PRDM15: variants seen among roughly 807,000 people sequenced by gnomAD.
PRDM15 encodes the protein PR/SET domain 15, also known as PR domain zinc finger protein 15.
A neutral mutation model predicts 128.6 loss-of-function variants in PRDM15; 64 were observed. That is an observed-to-expected ratio of 0.50 (90% CI 0.41 to 0.61). The LOEUF is 0.61. Ranked by LOEUF, PRDM15 falls within the 20% of genes least tolerant of loss-of-function variation. The pLI, the probability that PRDM15 is intolerant of heterozygous loss-of-function variation, is 0.00. For synonymous variants in PRDM15, 615 were observed against 621.8 expected (o/e 0.99, Z 0.16); for missense variants, 1,242 against 1,569.1 (o/e 0.79, Z 3.52).
At chr21:41,842,496 TG>T (rs1364183946) in intron 6 of PRDM15, among the ~76,000 whole-genome samples, 4 of 152,366 alleles carry the variant, frequency 2.6e-5, no homozygotes, top group African/African-American at 9.6e-5. Context: ...ATTCTTTTTT[TG>T]TTTGTTTGTT....
intron 23 of PRDM15, 45 bp from the exon 24 acceptor site, chr21:41,801,767 T>C (rs771105898): frequency 1.9e-6 from 3 of 1,578,922 alleles, no homozygotes; most frequent in Middle Eastern, 1.7e-4. Context: ...TTTTGCAAAA[T>C]GGGGAACGCA....
chr21:41,820,037 C>T (rs1481277744), intron 17 of PRDM15, 58 bp downstream of exon 17: 15 of 1,438,032 alleles, frequency 1.0e-5, no homozygotes, highest in Middle Eastern at 1.8e-4. Flanking sequence ...CCCCAGCATC[C>T]CTCCCTGCCA....
Position 41,838,008 on chromosome 21 carries a change from C to G in PRDM15, c.927G>C (p.Thr309=). Residue 309 remains threonine, a synonymous_variant, in exon 8 of 24, where the codon ACG becomes ACC. Transcript: ENST00000398548. ...EVPPDEPVSA[T]PDERIMELVL... is the part of the protein sequence containing the mutation. ...CCAGCTCCATGATCCGCTCATCTGG[C>G]GTTGCACTCACAGGCTCATCCGGAG... 6.2e-7 allele frequency: 1 copy of G among 1,614,150 alleles called. No homozygotes were observed. The highest frequency in any genetic ancestry group is 8.5e-7 in the Non-Finnish European group (1 of 1,180,000).
chr21:41,858,069 A>C (rs1373680068), intron 3 of PRDM15, among the ~76,000 whole-genome samples: 1 of 152,220 alleles, frequency 6.6e-6, no homozygotes, highest in Admixed American at 6.5e-5. Flanking sequence ...GACCACAGGG[A>C]ACTCGCTGCT....
chr21:41,861,458 C>G (rs567770060), intron 1 of PRDM15: 1 of 991,294 alleles, frequency 1.0e-6, no homozygotes, highest in East Asian at 2.4e-5. Context: ...AATAAAAACA[C>G]CCACCTCATG....
Position 41,836,637 on chromosome 21 carries a change from A to T in PRDM15, c.1014T>A (p.His338Gln), listed in dbSNP as rs894268000. The T allele has an allele frequency of 1.2e-6, 2 of 1,602,410 alleles. No individual in the cohort carries two copies. Among genetic ancestry groups the T allele is most frequent in the Non-Finnish European group, 1.7e-6 (2 of 1,170,758 alleles). Residue 338 changes from histidine (H) to glutamine (Q), a missense_variant, in exon 9 of 24, where the codon CAT (histidine) becomes CAA (glutamine). Around this residue, in one of 3 missense-constraint regions of PRDM15, gnomAD observed 612 missense variants for 717.0 expected, o/e 0.85. Transcript: ENST00000398548. ...DTSSVPKFTHHQNNTITLKRS... is the reference protein window; with the variant it reads ...DTSSVPKFTHQQNNTITLKRS... ...TCTTGAGCGTGATGGTGTTATTCTGATGATGGGTGAACCTGCCCAGGGACG... is the reference window on the plus strand; with the variant it reads ...TCTTGAGCGTGATGGTGTTATTCTGTTGATGGGTGAACCTGCCCAGGGACG...
Position 41,810,867 on chromosome 21 carries a change from G to A in PRDM15, c.2393-31C>T, listed in dbSNP as rs200379021. 4.3e-5 allele frequency: 68 copies of A among 1,593,984 alleles called. No homozygotes were observed. The East Asian group carries it at 1.0e-3, about 25-fold the overall frequency. ...GAGAAAGGCGCACATAACTTCCTAC[G>A]TTTAATGAGTGTTGTAAGTCCACAT... On this transcript the variant is annotated intron_variant, in intron 19 of 23. Coordinates refer to ENST00000398548, the MANE Select transcript of PRDM15 (RefSeq NM_001040424.3). This position sits in a 1 kb window ranked among gnomAD's most constrained non-coding sequence, Gnocchi z 6.4.
intron 9 of PRDM15, 107 bp downstream of exon 9, chr21:41,836,361 C>T: frequency 7.5e-7 from 1 of 1,339,484 alleles, no homozygotes; most frequent in Non-Finnish European, 1.0e-6. Context: ...CTCACTGGCG[C>T]AGCTCGTGGG....
intron 8 of PRDM15, among the ~76,000 whole-genome samples, chr21:41,837,493 C>A (rs749877986): frequency 3.3e-5 from 5 of 152,058 alleles, no homozygotes; most frequent in Non-Finnish European, 5.9e-5. Context: ...GTCATCAAAT[C>A]CACAGAGACA....
At position 41,820,141 on chromosome 21, in the gene PRDM15, G is replaced by T; in HGVS notation, c.2094C>A (p.Ile698=). The T allele has an allele frequency of 6.2e-7, 1 of 1,613,904 alleles. No homozygotes were observed. Among genetic ancestry groups the T allele is most frequent in the Non-Finnish European group, 8.5e-7 (1 of 1,179,906 alleles). Residue 698 remains isoleucine, a synonymous_variant, in exon 17 of 24, where the codon ATC becomes ATA. Transcript: ENST00000398548. The stretch of plus-strand genomic sequence containing the variant: ...GCTCCAGGTTCCCGATGCTGTTGAA[G>T]ATCCGCCCGCAGATCTCGCAGGGGT... ...YIHPCEICGR[I]FNSIGNLERH...
chr21:41,860,795 T>C lies in PRDM15; in HGVS notation c.-9-423A>G, dbSNP rs541193115. Among the ~76,000 whole-genome samples, 72 of 152,284 alleles carry C rather than the reference T, an allele frequency of 4.7e-4. 1 individual carries two copies. The highest frequency in any genetic ancestry group is 7.9e-4 in the Non-Finnish European group (54 of 68,030). On this transcript the variant is annotated intron_variant, in intron 1 of 23. Coordinates refer to ENST00000398548, the MANE Select transcript of PRDM15 (RefSeq NM_001040424.3). ...GCCAGTACAGGAACATTACGTGGTG[T>C]TCTAAAGAGAGCACACAGTGGGGTC...
intron 5 of PRDM15, among the ~76,000 whole-genome samples, chr21:41,851,714 C>A (rs1461754251): frequency 1.3e-5 from 2 of 152,132 alleles, no homozygotes; most frequent in Non-Finnish European, 2.9e-5. Context: ...AAGGGCCAAG[C>A]CAGAGCTCAA....
intron 13 of PRDM15, among the ~76,000 whole-genome samples, chr21:41,824,581 C>T (rs568886643): frequency 1.3e-5 from 2 of 152,150 alleles, no homozygotes; most frequent in Non-Finnish European, 2.9e-5. Flanking sequence ...CACTTGGAGC[C>T]GGTACCCCCC....
chr21:41,823,239 G>A, intron 14 of PRDM15, 79 bp downstream of exon 14: 3 of 1,551,954 alleles, frequency 1.9e-6, no homozygotes, highest in African/African-American at 1.4e-5. Flanking sequence ...ACAGAACTCT[G>A]CTATGGCTGA....
chr21:41,829,014 A>C (rs2062580753), intron 11 of PRDM15, among the ~76,000 whole-genome samples: 1 of 149,148 alleles, frequency 6.7e-6, no homozygotes, highest in African/African-American at 2.5e-5. Context: ...CACACACACC[A>C]CATACACACT....
intron 5 of PRDM15, among the ~76,000 whole-genome samples, chr21:41,850,314 A>G (rs1181729528): frequency 2.6e-5 from 1 of 38,720 alleles, no homozygotes; most frequent in Non-Finnish European, 7.3e-5. Context: ...TGCCCCCCCA[A>G]CACTCTCCTC....
intron 6 of PRDM15, among the ~76,000 whole-genome samples, chr21:41,845,959 C>T (rs2146699543): frequency 6.6e-6 from 1 of 152,158 alleles, no homozygotes; most frequent in South Asian, 2.1e-4. Context: ...TCTAGAAAAC[C>T]CAGCTGCCCT....
chr21:41,868,264 C>T (rs1003234395), intron 1 of PRDM15, among the ~76,000 whole-genome samples: 8 of 152,170 alleles, frequency 5.3e-5, no homozygotes, highest in Non-Finnish European at 1.2e-4. Flanking sequence ...TTTTCCCACA[C>T]GGGGCTGTTA....
At chr21:41,875,572 AC>A (rs951469612) in intron 1 of PRDM15, among the ~76,000 whole-genome samples, 4 of 152,264 alleles carry the variant, frequency 2.6e-5, no homozygotes, top group African/African-American at 9.6e-5. Context: ...GAATCTAGGC[AC>A]GGTGACGTGA....
Sources: allele counts gnomAD v4.1 joint callset (sites outside exome capture counted in the v4.1 genomes callset), GRCh38; gene constraint gnomAD v4.1.1; regional missense constraint gnomAD v4.1.1; non-coding constraint Gnocchi (gnomAD v3.1); transcripts MANE v1.5; gene names NCBI Gene and HGNC (gene_info 2026-07-23, HGNC 2026-07-21).